The following FREM1 variants were observed in gnomAD, a reference collection of about 807,000 sequenced individuals.
FREM1 encodes the protein FRAS1-related extracellular matrix protein 1.
In FREM1, 220 loss-of-function variants were observed where a neutral mutation model predicts 210.1. The ratio of observed to expected loss-of-function variants is 1.05; its 90% CI spans 0.94 to 1.17. The LOEUF (loss-of-function observed/expected upper bound fraction) is 1.17. FREM1 is among the 50% of genes most tolerant of loss of function. The pLI, the probability that FREM1 is intolerant of heterozygous loss-of-function variation, is 0.00. For missense variants in FREM1, 3,454 were observed against 2,675.5 expected (o/e 1.29, Z -6.42); for synonymous variants, 1,189 against 980.2 (o/e 1.21, Z -3.98).
At chr9:14,758,052 G>A (rs146091908) in intron 28 of FREM1, among the ~76,000 whole-genome samples, 1 of 152,302 alleles carries the variant, frequency 6.6e-6, no homozygotes, top group East Asian at 1.9e-4. Flanking sequence ...CTGAGGCAAG[G>A]TGGTTGGAGA....
In FREM1 at chr9:14,801,829, C is replaced by A. The variant is rs564039071; in HGVS notation, c.3517G>T (p.Ala1173Ser). 580 of 1,613,898 alleles carry A rather than the reference C, an allele frequency of 3.6e-4. 3 individuals carry two copies. In the South Asian group the frequency reaches 6.1e-3, roughly 17 times the overall value. The change falls in exon 20 of 37, where the codon GCT (alanine) becomes TCT (serine). Residue 1173 changes from alanine to serine, a missense_variant. Physicochemically the swap from Ala to Ser is moderately conservative, Grantham distance 99 (BLOSUM62 1). Transcript: ENST00000380880. ...TCCTGGGGAATGTCCAGGTCCACAG[C>A]GCTGATGATGGAAGAGTCCAGCTCT... ...MKELDSSIIS[A>S]VDLDIPQDAL...
At chr9:14,844,924 A>G (rs1285604651) in intron 8 of FREM1, among the ~76,000 whole-genome samples, 1 of 152,232 alleles carries the variant, frequency 6.6e-6, no homozygotes, top group Non-Finnish European at 1.5e-5. Context: ...TTTCTCTTAC[A>G]TACAAGCGAA....
intron 1 of FREM1, among the ~76,000 whole-genome samples, chr9:14,889,213 G>C (rs370322916): frequency 1.3e-5 from 2 of 152,156 alleles, no homozygotes; most frequent in African/African-American, 4.8e-5. Context: ...TAAAGCTGAA[G>C]GGTGAGAACT....
At chr9:14,749,444 G>A (rs1842974854) in intron 30 of FREM1, among the ~76,000 whole-genome samples, 1 of 152,118 alleles carries the variant, frequency 6.6e-6, no homozygotes, top group South Asian at 2.1e-4. Flanking sequence ...CACAGGGCAT[G>A]ACAGGTATAA....
At chr9:14,783,878 T>C (rs146777174) in intron 24 of FREM1, among the ~76,000 whole-genome samples, 49 of 152,318 alleles carry the variant, frequency 3.2e-4, no homozygotes, top group African/African-American at 1.0e-3. Flanking sequence ...GAACACATTG[T>C]GTCAAAAGGC....
rs1009037457 is a variant in FREM1, at chr9:14,844,263, T to C, written c.1394-1603A>G. Among the ~76,000 whole-genome samples the C allele has an allele frequency of 4.6e-5, 7 of 151,186 alleles. 2 individuals are homozygous for C. ...TTTCTTTAGACGGAGTCTCCCTCTG[T>C]CGCCCAGGCTGGAGTGCAGTGGCGT... On this transcript the variant is annotated intron_variant, in intron 8 of 36. Coordinates refer to ENST00000380880, the MANE Select transcript of FREM1 (RefSeq NM_001379081.2).
chr9:14,766,621 T>G (rs577159832), intron 27 of FREM1, among the ~76,000 whole-genome samples: 1 of 152,146 alleles, frequency 6.6e-6, no homozygotes, highest in African/African-American at 2.4e-5. Flanking sequence ...AATCCTGCAA[T>G]AGCCAAAACT....
chr9:14,838,755 G>A (rs957385288), intron 10 of FREM1, among the ~76,000 whole-genome samples: 3 of 152,066 alleles, frequency 2.0e-5, no homozygotes, highest in Admixed American at 6.6e-5. Flanking sequence ...GAATAATTCC[G>A]GGTCCCTACT....
intron 36 of FREM1, among the ~76,000 whole-genome samples, chr9:14,739,735 A>G (rs756357581): frequency 6.6e-6 from 1 of 151,870 alleles, no homozygotes; most frequent in Admixed American, 6.6e-5. Flanking sequence ...TATTTGTTAA[A>G]TGAATTAATA....
At chr9:14,858,024 A>G (rs995157366) in intron 4 of FREM1, among the ~76,000 whole-genome samples, 1 of 152,186 alleles carries the variant, frequency 6.6e-6, no homozygotes, top group East Asian at 1.9e-4. Flanking sequence ...AGGCTTGAAC[A>G]TCTCTGACAA....
intron 1 of FREM1, among the ~76,000 whole-genome samples, chr9:14,904,097 A>T (rs1817241805): frequency 7.0e-6 from 1 of 142,018 alleles, no homozygotes; most frequent in African/African-American, 2.7e-5. Flanking sequence ...CCTGGGTGAC[A>T]GAGCAAGACT....
At chr9:14,839,993 G>A (rs1000648267) in intron 10 of FREM1, among the ~76,000 whole-genome samples, 1 of 152,218 alleles carries the variant, frequency 6.6e-6, no homozygotes, top group Non-Finnish European at 1.5e-5. Flanking sequence ...GTTAGTCAAA[G>A]AGCAGATGAA....
rs143077986 is a variant in FREM1, at chr9:14,778,806, G to T, written c.4443-2603C>A. Among the ~76,000 whole-genome samples the T allele has an allele frequency of 1.6e-3, 245 of 151,360 alleles. 1 individual carries two copies. Among genetic ancestry groups the T allele is most frequent in the African/African-American group, 5.7e-3 (237 of 41,318 alleles). On this transcript the variant is annotated intron_variant, in intron 24 of 36. Transcript: ENST00000380880. The stretch of plus-strand genomic sequence containing the variant: ...GCCTATAGCTTGGACACTCTGGGAG[G>T]CTGGGGTGGGTGGAGCGCTCGAGCT...
At chr9:14,783,795 C>T (rs950075424) in intron 24 of FREM1, among the ~76,000 whole-genome samples, 5 of 152,128 alleles carry the variant, frequency 3.3e-5, no homozygotes, top group Non-Finnish European at 7.4e-5. Context: ...GTGCGCAGCC[C>T]CCAATTACAA....
At chr9:14,897,513 T>G (rs1181571321) in intron 1 of FREM1, among the ~76,000 whole-genome samples, 5 of 151,644 alleles carry the variant, frequency 3.3e-5, no homozygotes, top group Non-Finnish European at 7.4e-5. Context: ...CATAGTATCA[T>G]ATACTGAGAT....
chr9:14,802,341 A>G (rs1817451993), intron 19 of FREM1, among the ~76,000 whole-genome samples: 1 of 152,218 alleles, frequency 6.6e-6, no homozygotes, highest in Admixed American at 6.5e-5. Flanking sequence ...TGCTACATAC[A>G]CTAAGCATAT....
intron 35 of FREM1, among the ~76,000 whole-genome samples, chr9:14,746,051 TA>T (rs1842364987): frequency 6.6e-6 from 1 of 151,718 alleles, no homozygotes; most frequent in Non-Finnish European, 1.5e-5. Context: ...GAAAAGAAAA[TA>T]AAAGAAAAAG....
At chr9:14,746,262 T>C (rs907136867) in intron 35 of FREM1, 91 bp downstream of exon 35, 9 of 930,504 alleles carry the variant, frequency 9.7e-6, no homozygotes, top group African/African-American at 6.5e-5. Flanking sequence ...TCAATACTTG[T>C]TGAATGAATG....
rs1791612105 is a variant in FREM1 at position 14,784,380 on chromosome 9, C to A, written c.4432G>T (p.Asp1478Tyr). 6.2e-7 allele frequency: 1 copy of A among 1,613,194 alleles called. No individual in the cohort carries two copies. Among genetic ancestry groups the A allele is most frequent in the Non-Finnish European group, 8.5e-7 (1 of 1,179,436 alleles). Residue 1478 changes from aspartate (D) to tyrosine (Y), a missense_variant, in exon 24 of 37, where the codon GAC becomes TAC. Transcript: ENST00000380880. ...VHKSKVTVSS[D>Y]RFRFIISNGL... ...TTCCATGGGGCTCACCTGAATCTGTCACTGGAGACAGTCACCTTGCTCTTG... is the reference window on the plus strand; with the variant it reads ...TTCCATGGGGCTCACCTGAATCTGTAACTGGAGACAGTCACCTTGCTCTTG...
Sources: gnomAD v4.1 joint callset for allele counts (sites outside exome capture counted in the v4.1 genomes callset) on GRCh38, gnomAD v4.1.1 for gene constraint, MANE v1.5 for transcripts, NCBI Gene and HGNC (gene_info 2026-07-23, HGNC 2026-07-21) for gene names.